FAM174A: variants seen among roughly 807,000 people sequenced by gnomAD.
FAM174A encodes family with sequence similarity 174 member A.
In FAM174A, 14 loss-of-function variants were observed where a neutral mutation model predicts 14.3. The observed-to-expected ratio is 0.98, with a 90% CI of 0.65 to 1.53. FAM174A has a LOEUF of 1.53. Among genes scored for constraint, FAM174A ranks in the 40% most tolerant of loss-of-function variants. FAM174A has a pLI of 0.00. For synonymous variants in FAM174A, 108 were observed against 111.4 expected, an observed-to-expected ratio of 0.97 and a Z score of 0.19; for missense variants, 241 against 249.6, an observed-to-expected ratio of 0.97 and a Z score of 0.23.
intron 1 of FAM174A, among the ~76,000 whole-genome samples, chr5:100,548,543 T>G (rs894727185): frequency 6.6e-6 from 1 of 152,110 alleles, no homozygotes; most frequent in Non-Finnish European, 1.5e-5. Flanking sequence ...TCATTAAAAT[T>G]ACTTAGATTC....
chr5:100,544,362 G>C (rs1181766016), intron 1 of FAM174A, among the ~76,000 whole-genome samples: 1 of 149,738 alleles, frequency 6.7e-6, no homozygotes, highest in Non-Finnish European at 1.5e-5. Flanking sequence ...CCCTGCATTT[G>C]TACCCCTGCA....
At position 100,541,630 on chromosome 5, in the gene FAM174A, A is replaced by T. The variant is rs139428575; in HGVS notation, c.434+5666A>T. On this transcript the variant is annotated intron_variant, in intron 1 of 2. Transcript: ENST00000312637. The stretch of plus-strand genomic sequence containing the variant: ...GGAAATATTGAAGATATGGGAAAGG[A>T]AGATACCTAAGAAGACATTAAGGAG... Among the ~76,000 whole-genome samples, 494 of 152,182 alleles carry T rather than the reference A, an allele frequency of 3.2e-3. 2 individuals are homozygous for T. Among genetic ancestry groups the T allele is most frequent in the African/African-American group, 0.012 (480 of 41,528 alleles).
intron 1 of FAM174A, among the ~76,000 whole-genome samples, chr5:100,560,462 T>G (rs1423032480): frequency 1.3e-5 from 2 of 152,106 alleles, no homozygotes; most frequent in African/African-American, 2.4e-5. Context: ...CTTAACTCTC[T>G]GTTTCCTGTT....
chr5:100,542,627 C>T (rs1746080419), intron 1 of FAM174A, among the ~76,000 whole-genome samples: 1 of 152,124 alleles, frequency 6.6e-6, no homozygotes, highest in Non-Finnish European at 1.5e-5. Flanking sequence ...ATCTATCATA[C>T]TATGTGTGTG....
chr5:100,558,920 G>A (rs969839674), intron 1 of FAM174A, among the ~76,000 whole-genome samples: 1 of 152,080 alleles, frequency 6.6e-6, no homozygotes, highest in East Asian at 1.9e-4. Flanking sequence ...TTTAATTGGA[G>A]CATTTAGCCC....
At chr5:100,544,244 C>T (rs1184649772) in intron 1 of FAM174A, among the ~76,000 whole-genome samples, 2 of 151,882 alleles carry the variant, frequency 1.3e-5, no homozygotes, top group Non-Finnish European at 1.5e-5. Context: ...GACCTGTGGC[C>T]CCAGCTACTC....
intron 2 of FAM174A, among the ~76,000 whole-genome samples, chr5:100,574,139 G>T (rs1210178719): frequency 6.6e-6 from 1 of 152,010 alleles, no homozygotes; most frequent in Admixed American, 6.6e-5. Flanking sequence ...GGATTCTAAA[G>T]GACAAAGAAG....
intron 2 of FAM174A, among the ~76,000 whole-genome samples, chr5:100,564,061 C>G (rs962410872): frequency 1.3e-5 from 2 of 151,640 alleles, no homozygotes; most frequent in African/African-American, 4.8e-5. Flanking sequence ...CTCCTTGCTC[C>G]TATATTTGCC....
intron 2 of FAM174A, among the ~76,000 whole-genome samples, chr5:100,572,393 C>T (rs1746805397): frequency 6.7e-6 from 1 of 149,066 alleles, no homozygotes; most frequent in Admixed American, 6.7e-5. Context: ...CCATGCTATC[C>T]CTCCCGCCTC....
intron 1 of FAM174A, among the ~76,000 whole-genome samples, chr5:100,555,044 C>T (rs2112377336): frequency 6.6e-6 from 1 of 152,110 alleles, no homozygotes; most frequent in East Asian, 1.9e-4. Flanking sequence ...CGTCATTTAA[C>T]ATTAGGTATA....
intron 1 of FAM174A, among the ~76,000 whole-genome samples, chr5:100,550,378 G>A (rs2112372699): frequency 6.6e-6 from 1 of 152,234 alleles, no homozygotes; most frequent in South Asian, 2.1e-4. Flanking sequence ...ATCTGGAAAT[G>A]ATGTTCTTTC....
At chr5:100,571,661 A>ACT (rs1488031442) in intron 2 of FAM174A, among the ~76,000 whole-genome samples, 3 of 120,722 alleles carry the variant, frequency 2.5e-5, no homozygotes, top group Non-Finnish European at 5.2e-5. Context: ...TATATACCTA[A>ACT]GTGTGTGTGT....
intron 1 of FAM174A, among the ~76,000 whole-genome samples, chr5:100,538,531 A>G (rs774991286): frequency 2.0e-5 from 3 of 151,468 alleles, no homozygotes; most frequent in Non-Finnish European, 4.4e-5. Context: ...ATGTAAGTGT[A>G]TATATATATA....
chr5:100,546,041 A>G, intron 1 of FAM174A, among the ~76,000 whole-genome samples: 1 of 152,218 alleles, frequency 6.6e-6, no homozygotes, highest in Non-Finnish European at 1.5e-5. Context: ...TACGTATTTT[A>G]ATCAGGATAG....
intron 1 of FAM174A, among the ~76,000 whole-genome samples, chr5:100,553,726 A>T (rs1339035256): frequency 6.6e-6 from 1 of 152,166 alleles, no homozygotes; most frequent in African/African-American, 2.4e-5. Context: ...GATAGTATTT[A>T]CATACACATG....
chr5:100,569,391 T>TTATATA (rs34722898), intron 2 of FAM174A, among the ~76,000 whole-genome samples: 31 of 150,250 alleles, frequency 2.1e-4, no homozygotes, highest in African/African-American at 4.6e-4. Flanking sequence ...GAGGCTATTA[T>TTATATA]TATATATATA....
chr5:100,562,448 G>C (rs1158511718), intron 2 of FAM174A, among the ~76,000 whole-genome samples: 2 of 151,678 alleles, frequency 1.3e-5, no homozygotes, highest in Non-Finnish European at 2.9e-5. Flanking sequence ...TTTAAGTTCA[G>C]GGGTACAAGT....
At chr5:100,560,647 G>A (rs180930384) in intron 1 of FAM174A, among the ~76,000 whole-genome samples, 36 of 152,096 alleles carry the variant, frequency 2.4e-4, no homozygotes, top group Non-Finnish European at 4.3e-4. Flanking sequence ...ATTTGTTGAA[G>A]GTATGTTTGT....
At chr5:100,562,284 T>C (rs1235376989) in intron 2 of FAM174A, 96 bp downstream of exon 2, 1 of 1,134,134 alleles carries the variant, frequency 8.8e-7, no homozygotes, top group Admixed American at 2.7e-5. Flanking sequence ...ACAGCTTATA[T>C]TCCAACACAG....
Sources: allele counts gnomAD v4.1 joint callset (sites outside exome capture counted in the v4.1 genomes callset), GRCh38; gene constraint gnomAD v4.1.1; transcripts MANE v1.5; gene names NCBI Gene and HGNC (gene_info 2026-07-23, HGNC 2026-07-21).